Variants in SETX observed in about 807,000 individuals in gnomAD.
SETX encodes the protein senataxin, also known as helicase senataxin.
Under a neutral mutation model 227.2 loss-of-function variants are expected in SETX, and 90 were observed. The ratio of observed to expected loss-of-function variants is 0.40; its 90% CI spans 0.33 to 0.47. The LOEUF is 0.47. SETX is among the 20% of genes least tolerant of loss of function. The pLI is 0.91. For synonymous variants in SETX, 1,210 were observed against 1,113.2 expected (o/e 1.09, Z -1.73); for missense variants, 3,052 against 3,181.5 (o/e 0.96, Z 0.98).
chr9:132,276,182 T>C (rs981124749), intron 22 of SETX, among the ~76,000 whole-genome samples: 1 of 152,206 alleles, frequency 6.6e-6, no homozygotes. Context: ...ACTTTGAGAC[T>C]TACTAAATGG....
rs561666730 is a variant in SETX at position 132,338,935 on chromosome 9, A to T, written c.499-2420T>A. ...GTTATGCCAAGCTAATTAAAAAAAA[A>T]ATTTTTTTGTAGGGATAGGTTCTTG... On this transcript the variant is annotated intron_variant, in intron 5 of 25. Transcript: ENST00000224140. Among the ~76,000 whole-genome samples the T allele has an allele frequency of 1.6e-3, 243 of 151,900 alleles. 1 individual carries two copies. Among genetic ancestry groups the T allele is most frequent in the South Asian group, 0.011 (54 of 4,798 alleles).
chr9:132,296,138 G>A (rs935597231), intron 14 of SETX, 110 bp from the exon 15 acceptor site: 17 of 1,319,992 alleles, frequency 1.3e-5, no homozygotes, highest in Middle Eastern at 1.8e-4. Context: ...GAAAGTTCTC[G>A]TAATAAAGTT....
At position 132,326,354 on chromosome 9, in the gene SETX, G is replaced by GA. The variant is rs754706851; in HGVS notation, c.5243dup (p.Leu1750PhefsTer8). Reference sequence around the variant, plus strand: ...CAAAAGTATTCAATACCATCAAAGGGAAAAAAACATTAAAATAATCTCCAT... The same window carrying GA: ...CAAAAGTATTCAATACCATCAAAGGGAAAAAAAACATTAAAATAATCTCCAT... On this transcript the variant is annotated frameshift_variant, in exon 10 of 26. Transcript: ENST00000224140. LOFTEE classifies it high-confidence loss of function. 8 of 1,612,758 alleles carry GA rather than the reference G, an allele frequency of 5.0e-6. No homozygotes were observed. Among genetic ancestry groups the GA allele is most frequent in the African/African-American group, 1.3e-5 (1 of 74,852 alleles).
intron 23 of SETX, among the ~76,000 whole-genome samples, chr9:132,272,159 C>T (rs373399925): frequency 6.6e-6 from 1 of 151,922 alleles, no homozygotes; most frequent in African/African-American, 2.4e-5. Context: ...CGTGAGCCAC[C>T]GCGTCCGGCT....
At chr9:132,317,857 T>C (rs1019325063) in intron 10 of SETX, among the ~76,000 whole-genome samples, 3 of 152,224 alleles carry the variant, frequency 2.0e-5, no homozygotes, top group Admixed American at 1.3e-4. Context: ...AAATACATTC[T>C]AAAGGTCTCA....
chr9:132,327,590 G>A lies in SETX; in HGVS notation c.4008C>T (p.Val1336=). The A allele has an allele frequency of 1.2e-6, 2 of 1,614,074 alleles. No individual in the cohort carries two copies. The highest frequency in any genetic ancestry group is 2.7e-5 in the African/African-American group (2 of 75,034). ...TAGTCAGAAGTTTCTTATTATTTCTGACAGACAGGTTCTGAGGAGAAATTA... is the reference window on the plus strand; with the variant it reads ...TAGTCAGAAGTTTCTTATTATTTCTAACAGACAGGTTCTGAGGAGAAATTA... ...TKLISPQNLS[V]RNNKKLLTSQ... is the part of the protein sequence containing the mutation. The change falls in exon 10 of 26, where the codon GTC becomes GTT. Residue 1336 remains valine (V), a synonymous_variant. Transcript: ENST00000224140.
At position 132,322,190 on chromosome 9, in the gene SETX, TTC is replaced by T. The variant is rs141939375; in HGVS notation, c.5274+4132_5274+4133del. 1.5e-3 allele frequency among the ~76,000 whole-genome samples: 226 copies of T among 152,314 alleles called. 1 individual carries two copies. Among genetic ancestry groups the T allele is most frequent in the African/African-American group, 4.7e-3 (195 of 41,564 alleles). On this transcript the variant is annotated intron_variant, in intron 10 of 25. Transcript: ENST00000224140. ...TTTAACCTATTGCTAATCAAATTTA[TTC>T]TCTTTTTAAAGTAATATTTTTTAAA...
chr9:132,308,363 C>T (rs573104253), intron 11 of SETX, among the ~76,000 whole-genome samples: 32 of 152,198 alleles, frequency 2.1e-4, no homozygotes, highest in Middle Eastern at 3.4e-3. Flanking sequence ...CTAAACACCA[C>T]CAAGGGGATG....
Position 132,348,373 on chromosome 9 carries a change from CA to C in SETX, c.177+878del, listed in dbSNP as rs11376483. ...GTGAGACTCTGTCTCAAAAAAAAAA[CA>C]AAACAAAAAAAAAACAACCCACTAA... On this transcript the variant is annotated intron_variant, in intron 3 of 25. Coordinates refer to ENST00000224140, the MANE Select transcript of SETX (RefSeq NM_015046.7). Among the ~76,000 whole-genome samples, 654 of 122,408 alleles carry C rather than the reference CA, an allele frequency of 5.3e-3. 20 individuals are homozygous for C. The highest frequency in any genetic ancestry group is 0.017 in the African/African-American group (572 of 32,950). The allele number at this position is 122,408 out of a possible 152,430, so 80.3% of individuals were successfully genotyped here.
chr9:132,339,896 T>G (rs1847856296), intron 5 of SETX, among the ~76,000 whole-genome samples: 1 of 152,220 alleles, frequency 6.6e-6, no homozygotes. Context: ...ATTACAGGAA[T>G]GAGTCACCGT....
At chr9:132,288,201 A>T in intron 17 of SETX, 35 bp downstream of exon 17, 1 of 1,553,464 alleles carries the variant, frequency 6.4e-7, no homozygotes, top group East Asian at 2.2e-5. Context: ...ACTAGTTCGT[A>T]TACCTGAGTT....
At chr9:132,320,419 C>G (rs1038242789) in intron 10 of SETX, among the ~76,000 whole-genome samples, 2 of 151,790 alleles carry the variant, frequency 1.3e-5, no homozygotes, top group African/African-American at 4.8e-5. Context: ...ACTAAAAATA[C>G]AAAAACAAAA....
chr9:132,299,380 G>C (rs1331679918), intron 12 of SETX, among the ~76,000 whole-genome samples: 2 of 152,048 alleles, frequency 1.3e-5, no homozygotes, highest in Non-Finnish European at 2.9e-5. Flanking sequence ...GACTGCCTTA[G>C]AACTATAAAT....
At chr9:132,282,381 C>T (rs1431736338) in intron 19 of SETX, among the ~76,000 whole-genome samples, 1 of 151,526 alleles carries the variant, frequency 6.6e-6, no homozygotes, top group Non-Finnish European at 1.5e-5. Context: ...CACCGCCTCC[C>T]GGGCTCAAGC....
chr9:132,278,788 C>T (rs1843329708), intron 20 of SETX, among the ~76,000 whole-genome samples: 4 of 152,182 alleles, frequency 2.6e-5, no homozygotes, highest in Admixed American at 2.6e-4. Context: ...ACAATTATTT[C>T]TGGGGGTACA....
intron 18 of SETX, among the ~76,000 whole-genome samples, chr9:132,284,795 G>A (rs554185338): frequency 6.6e-6 from 1 of 151,602 alleles, no homozygotes; most frequent in African/African-American, 2.4e-5. Context: ...GCTCTGGAGG[G>A]CTCACAGTTG....
At chr9:132,339,162 T>C (rs1847819436) in intron 5 of SETX, among the ~76,000 whole-genome samples, 1 of 152,164 alleles carries the variant, frequency 6.6e-6, no homozygotes, top group Non-Finnish European at 1.5e-5. Flanking sequence ...CAACTTTCCT[T>C]TCATAATCAA....
At chr9:132,285,169 G>A (rs1157566826) in intron 18 of SETX, among the ~76,000 whole-genome samples, 7 of 151,966 alleles carry the variant, frequency 4.6e-5, no homozygotes, top group Non-Finnish European at 8.8e-5. Flanking sequence ...GAGCCACCGC[G>A]CCTGGCCAAA....
At position 132,327,776 on chromosome 9, in the gene SETX, A is replaced by G; in HGVS notation, c.3822T>C (p.Phe1274=). Residue 1274 remains phenylalanine, a synonymous_variant, in exon 10 of 26, where the codon TTT becomes TTC. Coordinates refer to ENST00000224140, the MANE Select transcript of SETX (RefSeq NM_015046.7). ...TTGAAGTTGGCTCAGGACACTGACGAAATTTCTTTGGCGGCACTATAGCAG... is the reference window on the plus strand; with the variant it reads ...TTGAAGTTGGCTCAGGACACTGACGGAATTTCTTTGGCGGCACTATAGCAG... ...TTPAIVPPKK[F]RQCPEPTSTA... 1 of 1,614,182 alleles carries G rather than the reference A, an allele frequency of 6.2e-7. No individual in the cohort carries two copies. The highest frequency in any genetic ancestry group is 8.5e-7 in the Non-Finnish European group (1 of 1,180,044).
Sources: gnomAD v4.1 joint callset for allele counts (sites outside exome capture counted in the v4.1 genomes callset) on GRCh38, gnomAD v4.1.1 for gene constraint, MANE v1.5 for transcripts, NCBI Gene and HGNC (gene_info 2026-07-23, HGNC 2026-07-21) for gene names.